ATP6V1C2: variants seen among roughly 807,000 people sequenced by gnomAD.
ATP6V1C2 encodes ATPase H+ transporting V1 subunit C2.
In ATP6V1C2, 45 loss-of-function variants were observed where a neutral mutation model predicts 56.8. The observed-to-expected ratio is 0.79, with a 90% CI of 0.62 to 1.02. The LOEUF (loss-of-function observed/expected upper bound fraction) is 1.02, where lower values mean the gene tolerates loss of function less well. ATP6V1C2 is among the 50% of genes least tolerant of loss of function. The pLI, the probability that ATP6V1C2 is intolerant of heterozygous loss-of-function variation, is 0.00. For synonymous variants in ATP6V1C2, 220 were observed against 201.3 expected, an observed-to-expected ratio of 1.09 and a Z score of -0.79; for missense variants, 463 against 519.7, an observed-to-expected ratio of 0.89 and a Z score of 1.06.
intron 13 of ATP6V1C2, among the ~76,000 whole-genome samples, chr2:10,782,852 AAAAAAAAAAAAT>A (rs1302346499): frequency 2.1e-5 from 3 of 143,124 alleles, no homozygotes; most frequent in African/African-American, 8.8e-5. Context: ...AAAAAAAAAA[AAAAAAAAAAAAT>A]TTGCCAGGAG....
chr2:10,774,912 G>T (rs746672150), intron 9 of ATP6V1C2, 32 bp downstream of exon 9: 15 of 1,611,660 alleles, frequency 9.3e-6, no homozygotes, highest in Admixed American at 1.7e-5. Flanking sequence ...TTCATCTCCC[G>T]CTGCGGGGGG....
intron 1 of ATP6V1C2, 109 bp from the exon 2 acceptor site, chr2:10,722,715 G>A (rs998867758): frequency 8.2e-7 from 1 of 1,220,176 alleles, no homozygotes; most frequent in Non-Finnish European, 1.1e-6. Context: ...TGTCCTTGGA[G>A]CTCATCCTAG....
chr2:10,729,047 T>C (rs1008848869), intron 3 of ATP6V1C2, among the ~76,000 whole-genome samples: 1 of 150,884 alleles, frequency 6.6e-6, no homozygotes, highest in Non-Finnish European at 1.5e-5. Context: ...CAAGAATTGC[T>C]TGAACCTGGC....
At chr2:10,724,445 T>G (rs1253695214) in intron 2 of ATP6V1C2, among the ~76,000 whole-genome samples, 3 of 152,140 alleles carry the variant, frequency 2.0e-5, no homozygotes, top group African/African-American at 7.2e-5. Context: ...AACCACATCT[T>G]GCTGCCTTTT....
chr2:10,772,019 G>A (rs908512017), intron 7 of ATP6V1C2, 82 bp downstream of exon 7: 3 of 1,225,282 alleles, frequency 2.4e-6, no homozygotes, highest in Non-Finnish European at 3.6e-6. Flanking sequence ...GGGCAGTGTG[G>A]ACGAGGATGC....
At chr2:10,762,106 T>C (rs1371710125) in intron 4 of ATP6V1C2, among the ~76,000 whole-genome samples, 1 of 152,134 alleles carries the variant, frequency 6.6e-6, no homozygotes, top group East Asian at 1.9e-4. Flanking sequence ...ATCTGTAAGA[T>C]GGAGATCATC....
At position 10,772,523 on chromosome 2, in the gene ATP6V1C2, C is replaced by G; in HGVS notation, c.570-19C>G. Reference sequence around the variant, plus strand: ...GCCTTTTCTGCAAAAAATCACGTAACGATTCTATGTTCTTGCAGACCAAAC... The same window carrying G: ...GCCTTTTCTGCAAAAAATCACGTAAGGATTCTATGTTCTTGCAGACCAAAC... On this transcript the variant is annotated intron_variant, in intron 7 of 13. Transcript: ENST00000272238. 1 of 1,609,602 alleles carries G rather than the reference C, an allele frequency of 6.2e-7. No homozygotes were observed. Among genetic ancestry groups the G allele is most frequent in the East Asian group, 2.2e-5 (1 of 44,858 alleles).
At position 10,764,343 on chromosome 2, in the gene ATP6V1C2, C is replaced by T. The variant is rs751437997; in HGVS notation, c.296C>T (p.Ser99Phe). The change falls in exon 5 of 14, where the codon TCC becomes TTC. Residue 99 changes from serine (S) to phenylalanine (F), a missense_variant. Physicochemically the swap from Ser to Phe is radical, Grantham distance 155 (BLOSUM62 -2). Transcript: ENST00000272238. The part of the protein sequence containing the change: ...HLLANGVDLT[S>F]FVTHFEWDMA... ...TGTATTCTTCCAGTTGACTTAACAT[C>T]CTTTGTGACCCACTTTGAATGGGAC... 1.2e-6 allele frequency: 2 copies of T among 1,613,526 alleles called. No homozygotes were observed. Among genetic ancestry groups the T allele is most frequent in the Admixed American group, 3.3e-5 (2 of 60,022 alleles).
chr2:10,739,314 T>C (rs13010844), intron 3 of ATP6V1C2, among the ~76,000 whole-genome samples: 151,693 of 152,196 alleles, frequency 1, 75,598 homozygotes, highest in Middle Eastern at 1. Flanking sequence ...ATAAAAGCAC[T>C]GTATCACATG....
intron 3 of ATP6V1C2, among the ~76,000 whole-genome samples, chr2:10,730,607 G>GT (rs60355432): frequency 0.087 from 10,348 of 118,572 alleles, 551 homozygotes; most frequent in Non-Finnish European, 0.13. Context: ...TTCACAGTGG[G>GT]TTTTTTTTTT....
chr2:10,726,305 G>T (rs776914378), intron 2 of ATP6V1C2, among the ~76,000 whole-genome samples, 197 bp from the exon 3 acceptor site: 29 of 152,192 alleles, frequency 1.9e-4, no homozygotes, highest in Admixed American at 1.2e-3. Context: ...AGTTTATCCT[G>T]TTGGTCAAAA....
At chr2:10,779,383 A>G (rs1665201686) in intron 12 of ATP6V1C2, among the ~76,000 whole-genome samples, 1 of 147,950 alleles carries the variant, frequency 6.8e-6, no homozygotes. Context: ...TGTTGGGATT[A>G]CAGGCGCGAG....
intron 3 of ATP6V1C2, among the ~76,000 whole-genome samples, chr2:10,747,806 C>A (rs892610003): frequency 6.6e-6 from 1 of 152,018 alleles, no homozygotes; most frequent in Non-Finnish European, 1.5e-5. Context: ...TGTCATGTCT[C>A]TTTAGCCTTA....
At position 10,771,760 on chromosome 2, in the gene ATP6V1C2, C is replaced by T. The variant is rs992268539; in HGVS notation, c.471-79C>T. On this transcript the variant is annotated intron_variant, in intron 6 of 13. Transcript: ENST00000272238. ...CTTCCTTGAGAACTGCCCCCAGTGC[C>T]CGGGTGTGGGTGTGTGTGGGGTCAC... 23 of 1,110,804 alleles carry T rather than the reference C, an allele frequency of 2.1e-5. No homozygotes were observed. In the African/African-American group the frequency reaches 3.2e-4, roughly 16 times the overall value. 68.8% of individuals were successfully genotyped at this position (1,110,804 alleles called of 1,614,324 possible).
chr2:10,769,864 G>C (rs1354664532), intron 6 of ATP6V1C2: 1 of 152,204 alleles, frequency 6.6e-6, no homozygotes, highest in Non-Finnish European at 1.5e-5. Context: ...TGAGAACCCT[G>C]GTCAATTGTA....
At chr2:10,758,415 G>A (rs1430700025) in intron 4 of ATP6V1C2, among the ~76,000 whole-genome samples, 1 of 152,142 alleles carries the variant, frequency 6.6e-6, no homozygotes, top group Non-Finnish European at 1.5e-5. Flanking sequence ...TGCCTCCCGT[G>A]AGTCGGGTCT....
chr2:10,765,407 C>T (rs985915865), intron 5 of ATP6V1C2, among the ~76,000 whole-genome samples: 12 of 152,386 alleles, frequency 7.9e-5, no homozygotes, highest in African/African-American at 2.9e-4. Context: ...TGTCCCCTCT[C>T]CTGCTGGCCC....
At chr2:10,756,763 C>G (rs962663716) in intron 4 of ATP6V1C2, among the ~76,000 whole-genome samples, 2 of 151,990 alleles carry the variant, frequency 1.3e-5, no homozygotes, top group African/African-American at 4.8e-5. Flanking sequence ...CAAATACTTA[C>G]CATGTGCTAC....
At chr2:10,766,282 C>T (rs1664215022) in intron 5 of ATP6V1C2, among the ~76,000 whole-genome samples, 1 of 152,176 alleles carries the variant, frequency 6.6e-6, no homozygotes, top group Non-Finnish European at 1.5e-5. Context: ...CAGTGTGACA[C>T]CCCCCGCCTC....
Sources: allele counts gnomAD v4.1 joint callset (sites outside exome capture counted in the v4.1 genomes callset), GRCh38; gene constraint gnomAD v4.1.1; transcripts MANE v1.5; gene names NCBI Gene and HGNC (gene_info 2026-07-23, HGNC 2026-07-21).